Variants in HS6ST3 observed in about 807,000 individuals in gnomAD.
HS6ST3 encodes heparan sulfate 6-O-sulfotransferase 3.
In HS6ST3, 12 loss-of-function variants were observed where a neutral mutation model predicts 36.7. The observed-to-expected ratio is 0.33, with a 90% confidence interval of 0.21 to 0.53. The LOEUF (loss-of-function observed/expected upper bound fraction) is 0.53. HS6ST3 is among the 20% of genes least tolerant of loss of function. The pLI is 0.95. For synonymous variants in HS6ST3, 240 were observed against 257.5 expected (o/e 0.93, Z 0.65); for missense variants, 584 against 640.9 (o/e 0.91, Z 0.96).
At chr13:96,314,950 A>T (rs1317828089) in intron 1 of HS6ST3, among the ~76,000 whole-genome samples, 2 of 152,200 alleles carry the variant, frequency 1.3e-5, no homozygotes, top group Non-Finnish European at 2.9e-5. Flanking sequence ...AGCAAAAACA[A>T]ATAAAATATA....
intron 1 of HS6ST3, among the ~76,000 whole-genome samples, chr13:96,810,941 G>A (rs1196594448): frequency 6.6e-6 from 1 of 152,112 alleles, no homozygotes; most frequent in East Asian, 1.9e-4. Flanking sequence ...ATAGGCCTCT[G>A]AGCTGTGAAC....
chr13:96,739,864 A>G (rs1350277839), intron 1 of HS6ST3, among the ~76,000 whole-genome samples: 1 of 152,032 alleles, frequency 6.6e-6, no homozygotes, highest in Non-Finnish European at 1.5e-5. Context: ...ACCATGACAA[A>G]TCCCAGCCTG....
intron 1 of HS6ST3, among the ~76,000 whole-genome samples, chr13:96,740,163 C>A (rs562828663): frequency 4.6e-5 from 7 of 152,254 alleles, no homozygotes; most frequent in South Asian, 4.1e-4. Context: ...CCTGTCTCCC[C>A]ACACCAGAAT....
chr13:96,117,951 C>T (rs921300270), intron 1 of HS6ST3, among the ~76,000 whole-genome samples: 1 of 151,828 alleles, frequency 6.6e-6, no homozygotes, highest in African/African-American at 2.4e-5. Context: ...CTCACTGTAG[C>T]CTCCTCCTCC....
chr13:96,623,611 C>CT (rs2056502568), intron 1 of HS6ST3, among the ~76,000 whole-genome samples: 1 of 152,056 alleles, frequency 6.6e-6, no homozygotes, highest in African/African-American at 2.4e-5. Context: ...TCCTGCCCCA[C>CT]TTTCTTATAT....
chr13:96,586,223 T>C lies in HS6ST3; in HGVS notation c.708-246267T>C, dbSNP rs113329944. ...TCATTCTAACTGGAGTAAAAAGATA[T>C]CTTATTATGGCTTTGATTTAAATTT... is the stretch of plus-strand genomic sequence containing the variant. On this transcript the variant is annotated intron_variant, in intron 1 of 1. Coordinates refer to ENST00000376705, the MANE Select transcript of HS6ST3 (RefSeq NM_153456.4). 2.2e-4 allele frequency among the ~76,000 whole-genome samples: 34 copies of C among 152,274 alleles called. 2 individuals carry two copies. Among genetic ancestry groups the C allele is most frequent in the African/African-American group, 7.9e-4 (33 of 41,556 alleles).
intron 1 of HS6ST3, among the ~76,000 whole-genome samples, chr13:96,487,364 G>A (rs1314274474): frequency 6.6e-6 from 1 of 152,130 alleles, no homozygotes; most frequent in African/African-American, 2.4e-5. Context: ...TTGAGTTGAT[G>A]TTGGCTTAGG....
chr13:96,533,763 T>G (rs140058923), intron 1 of HS6ST3, among the ~76,000 whole-genome samples: 1 of 152,220 alleles, frequency 6.6e-6, no homozygotes, highest in Non-Finnish European at 1.5e-5. Context: ...CACAGTCTCA[T>G]TTGATCCGGC....
chr13:96,288,597 A>G (rs182576379), intron 1 of HS6ST3, among the ~76,000 whole-genome samples: 19 of 152,254 alleles, frequency 1.2e-4, no homozygotes, highest in Non-Finnish European at 4.4e-5. Flanking sequence ...GCCATTCCCA[A>G]TAAAAATTCT....
intron 1 of HS6ST3, among the ~76,000 whole-genome samples, chr13:96,596,133 T>C: frequency 6.6e-6 from 1 of 152,152 alleles, no homozygotes. Context: ...GTGTTTATTA[T>C]ATCACTCTGT....
At chr13:96,149,613 TAA>T (rs1171849670) in intron 1 of HS6ST3, among the ~76,000 whole-genome samples, 1 of 152,202 alleles carries the variant, frequency 6.6e-6, no homozygotes, top group Non-Finnish European at 1.5e-5. Flanking sequence ...TTTTAAAAAG[TAA>T]ACATTTTATT....
At chr13:96,574,690 G>A (rs2056314558) in intron 1 of HS6ST3, among the ~76,000 whole-genome samples, 1 of 152,202 alleles carries the variant, frequency 6.6e-6, no homozygotes, top group Admixed American at 6.5e-5. Flanking sequence ...CAGAACTTGA[G>A]GGGCCCAAGC....
chr13:96,608,648 G>A (rs1016534714), intron 1 of HS6ST3, among the ~76,000 whole-genome samples: 1 of 152,208 alleles, frequency 6.6e-6, no homozygotes, highest in Non-Finnish European at 1.5e-5. Context: ...AGATGTGGAG[G>A]AGGACCCTGT....
chr13:96,204,085 T>C (rs2054356909), intron 1 of HS6ST3, among the ~76,000 whole-genome samples: 2 of 152,334 alleles, frequency 1.3e-5, no homozygotes, highest in South Asian at 4.1e-4. Context: ...ATATTACATA[T>C]TTAAGCTTAT....
intron 1 of HS6ST3, among the ~76,000 whole-genome samples, chr13:96,359,983 A>G (rs1009604942): frequency 6.6e-6 from 1 of 152,110 alleles, no homozygotes; most frequent in African/African-American, 2.4e-5. Context: ...GCAGGGGTGA[A>G]GGTCCATGGG....
In HS6ST3 at chr13:96,395,278, T is replaced by G. The variant is rs77457394; in HGVS notation, c.707+303709T>G. Among the ~76,000 whole-genome samples, 1,310 of 152,330 alleles carry G rather than the reference T, an allele frequency of 8.6e-3. 20 individuals carry two copies. Among genetic ancestry groups the G allele is most frequent in the East Asian group, 0.059 (305 of 5,184 alleles). ...AGCATTACAGCATCCCTGTGAAGTT[T>G]CCAGCAGCTGAGATTGTTCCTATTT... is the stretch of plus-strand genomic sequence containing the variant. On this transcript the variant is annotated intron_variant, in intron 1 of 1. Transcript: ENST00000376705.
chr13:96,214,202 T>G (rs1052765674), intron 1 of HS6ST3, among the ~76,000 whole-genome samples: 2 of 152,220 alleles, frequency 1.3e-5, no homozygotes. Context: ...CTGCCTGATA[T>G]GATAAGGCTT....
chr13:96,449,980 G>A (rs984079939), intron 1 of HS6ST3, among the ~76,000 whole-genome samples: 1 of 152,164 alleles, frequency 6.6e-6, no homozygotes, highest in African/African-American at 2.4e-5. Flanking sequence ...GATAAAACAT[G>A]TACCCTGGAT....
intron 1 of HS6ST3, among the ~76,000 whole-genome samples, chr13:96,669,481 G>A (rs1050673493): frequency 3.9e-5 from 6 of 152,214 alleles, no homozygotes; most frequent in Non-Finnish European, 5.9e-5. Flanking sequence ...TTTTCTAGCC[G>A]GAACCCATCT....
Sources: allele counts gnomAD v4.1 joint callset (sites outside exome capture counted in the v4.1 genomes callset), GRCh38; gene constraint gnomAD v4.1.1; transcripts MANE v1.5; gene names NCBI Gene and HGNC (gene_info 2026-07-23, HGNC 2026-07-21).